The following PCDHGA1 variants were observed in gnomAD, a reference collection of about 807,000 sequenced individuals.
The protein encoded by PCDHGA1 is protocadherin gamma-A1.
Under a neutral mutation model 58.0 loss-of-function variants are expected in PCDHGA1, and 32 were observed. The observed-to-expected ratio is 0.55, with a 90% CI of 0.42 to 0.74. PCDHGA1 has a LOEUF of 0.74. PCDHGA1 is among the 30% of genes least tolerant of loss of function. The pLI is 0.00. For synonymous variants in PCDHGA1, 498 were observed against 501.1 expected, an observed-to-expected ratio of 0.99 and a Z score of 0.08; for missense variants, 1,205 against 1,182.3, an observed-to-expected ratio of 1.02 and a Z score of -0.28.
Position 141,511,072 on chromosome 5 carries a change from A to C in PCDHGA1, c.2695A>C (p.Ser899Arg). The C allele has an allele frequency of 6.2e-7, 1 of 1,614,252 alleles. No individual in the cohort carries two copies. Among genetic ancestry groups the C allele is most frequent in the Non-Finnish European group, 8.5e-7 (1 of 1,180,034 alleles). Residue 899 changes from serine to arginine, a missense_variant, in exon 4 of 4, where the codon AGC (serine) becomes CGC (arginine). Ser to Arg is a moderately radical substitution (Grantham distance 110). Coordinates refer to ENST00000517417, the MANE Select transcript of PCDHGA1 (RefSeq NM_018912.3). ...CCGCCAGAATGTCTACATCCCAGGC[A>C]GCAATGCCACACTGACCAACGCAGC... ...DYRQNVYIPG[S>R]NATLTNAAGK...
chr5:141,417,613 G>A (rs984573855), intron 1 of PCDHGA1: 2 of 624,312 alleles, frequency 3.2e-6, no homozygotes, highest in African/African-American at 3.7e-5. Flanking sequence ...GTCGGCCAGT[G>A]CAGAGCAAGC....
rs764729742 is a variant in PCDHGA1 at position 141,450,826 on chromosome 5, A to ATTT, written c.2422-43979_2422-43978insTTT. On this transcript the variant is annotated intron_variant, in intron 1 of 3. Coordinates refer to ENST00000517417, the MANE Select transcript of PCDHGA1 (RefSeq NM_018912.3). ...TATTTATTTATTTAATATTATTATT[A>ATTT]TTATTTTTTTTTTTTTGAGATGGGG... 5.5e-3 allele frequency among the ~76,000 whole-genome samples: 742 copies of ATTT among 134,318 alleles called. 10 individuals are homozygous for ATTT. The highest frequency in any genetic ancestry group is 0.013 in the Middle Eastern group (3 of 230). 88.1% of individuals were successfully genotyped at this position (134,318 alleles called of 152,430 possible).
At chr5:141,341,120 C>A (rs750116599) in intron 1 of PCDHGA1, 17 of 1,614,214 alleles carry the variant, frequency 1.1e-5, no homozygotes, top group Non-Finnish European at 1.4e-5. Flanking sequence ...GCACAGGCTG[C>A]GGCGCTGGCA....
intron 1 of PCDHGA1, among the ~76,000 whole-genome samples, chr5:141,442,680 A>C (rs2098335997): frequency 6.6e-6 from 1 of 152,270 alleles, no homozygotes; most frequent in Non-Finnish European, 1.5e-5. Flanking sequence ...CTTGAGGGAC[A>C]GTAGTCAGGC....
chr5:141,349,281 G>T (rs1219532810), intron 1 of PCDHGA1, among the ~76,000 whole-genome samples: 2 of 152,078 alleles, frequency 1.3e-5, no homozygotes, highest in Admixed American at 1.3e-4. Flanking sequence ...TGTTGGACAG[G>T]CTAGTCTCAA....
At chr5:141,365,228 G>C in intron 1 of PCDHGA1, 1 of 1,613,942 alleles carries the variant, frequency 6.2e-7, no homozygotes, top group Non-Finnish European at 8.5e-7. Flanking sequence ...CAACCTGGGG[G>C]AAATCTCAAC....
chr5:141,344,973 T>C (rs1348314903), intron 1 of PCDHGA1: 1 of 1,613,876 alleles, frequency 6.2e-7, no homozygotes, highest in Non-Finnish European at 8.5e-7. Flanking sequence ...GGATGCCATG[T>C]TCTATGAAAT....
In PCDHGA1 at chr5:141,351,104, C is replaced by T. The variant is rs758554557; in HGVS notation, c.2421+17999C>T. ...GATCACCTATGCCTTCCTCAATTCC[C>T]CAATAAGTACCAGCCTCTTCAATCT... On this transcript the variant is annotated intron_variant, in intron 1 of 3. Coordinates refer to ENST00000517417, the MANE Select transcript of PCDHGA1 (RefSeq NM_018912.3). 4.3e-6 allele frequency: 7 copies of T among 1,614,064 alleles called. No homozygotes were observed. The South Asian group carries it at 7.7e-5, about 18-fold the overall frequency.
intron 1 of PCDHGA1, chr5:141,410,438 G>A (rs957017717): frequency 2.5e-6 from 4 of 1,613,894 alleles, no homozygotes; most frequent in African/African-American, 2.7e-5. Flanking sequence ...CTACAGTGAG[G>A]GGACTTTGCC....
At chr5:141,362,214 T>TGTGGCC (rs1294960124) in intron 1 of PCDHGA1, 1 of 1,613,866 alleles carries the variant, frequency 6.2e-7, no homozygotes, top group Non-Finnish European at 8.5e-7. Flanking sequence ...TTTACCTGGT[T>TGTGGCC]GTGGCCTTGG....
At chr5:141,424,715 G>A (rs1299933373) in intron 1 of PCDHGA1, 1 of 152,132 alleles carries the variant, frequency 6.6e-6, no homozygotes, top group Admixed American at 6.6e-5. Flanking sequence ...TTTCAGTGTA[G>A]TTGGGAGTCA....
At chr5:141,440,155 A>C (rs1250255277) in intron 1 of PCDHGA1, 1 of 152,238 alleles carries the variant, frequency 6.6e-6, no homozygotes, top group Non-Finnish European at 1.5e-5. Flanking sequence ...CCCCAATTAT[A>C]GCTTGGGCCA....
At chr5:141,379,378 A>G (rs1775559732) in intron 1 of PCDHGA1, 1 of 152,234 alleles carries the variant, frequency 6.6e-6, no homozygotes, top group African/African-American at 2.4e-5. Flanking sequence ...TTGATAAAAT[A>G]ACAATTTTAA....
chr5:141,372,398 G>A lies in PCDHGA1; in HGVS notation c.2421+39293G>A, dbSNP rs772578154. The stretch of plus-strand genomic sequence containing the variant: ...TGCACCTAATCTTCGCAGATAGCTT[G>A]CAAGAGATACAACCTGACCTTAGCG... On this transcript the variant is annotated intron_variant, in intron 1 of 3. Transcript: ENST00000517417. 22 of 1,614,058 alleles carry A rather than the reference G, an allele frequency of 1.4e-5. No individual in the cohort carries two copies. The East Asian group carries it at 4.9e-4, about 36-fold the overall frequency.
rs1293684074 is a variant in PCDHGA1 at position 141,512,899 on chromosome 5, C to T, written c.*1726C>T. On this transcript the variant is annotated 3_prime_UTR_variant, in exon 4 of 4. Transcript: ENST00000517417. ...CCCACCCCACCCTCTTCCTGTGTCT[C>T]ACGCAAGTTTTATACTCTAATATTT... 1 of 152,260 alleles carries T rather than the reference C, an allele frequency of 6.6e-6. No homozygotes were observed. Among genetic ancestry groups the T allele is most frequent in the Non-Finnish European group, 1.5e-5 (1 of 68,064 alleles). 9.4% of individuals were successfully genotyped at this position (152,260 alleles called of 1,614,324 possible). A position where few individuals can be genotyped will look rare whatever the true frequency, so the allele number is the denominator to read the frequency against.
chr5:141,443,827 G>A (rs1425599112), intron 1 of PCDHGA1, among the ~76,000 whole-genome samples: 1 of 152,054 alleles, frequency 6.6e-6, no homozygotes, highest in African/African-American at 2.4e-5. Context: ...ACATAATTAG[G>A]TAAAATGGGT....
intron 1 of PCDHGA1, chr5:141,366,203 G>A (rs1764404234): frequency 3.7e-6 from 6 of 1,613,862 alleles, no homozygotes; most frequent in East Asian, 4.5e-5. Flanking sequence ...GCACACGGGC[G>A]AGGTGCGCAC....
chr5:141,465,865 G>A (rs374058078), intron 1 of PCDHGA1, among the ~76,000 whole-genome samples: 7 of 151,900 alleles, frequency 4.6e-5, no homozygotes, highest in African/African-American at 1.7e-4. Flanking sequence ...GCTCATGCCT[G>A]TAATCCCAGC....
chr5:141,394,997 C>T lies in PCDHGA1; in HGVS notation c.2421+61892C>T, dbSNP rs771459458. On this transcript the variant is annotated intron_variant, in intron 1 of 3. Coordinates refer to ENST00000517417, the MANE Select transcript of PCDHGA1 (RefSeq NM_018912.3). ...ACAAGTCACGCCTGCTCCAGGATTC[C>T]GGTGGCAGATTGGTAGGCGTGCCTG... 3.4e-5 allele frequency: 55 copies of T among 1,613,898 alleles called. No individual in the cohort carries two copies. In the East Asian group the frequency reaches 1.1e-3, roughly 32 times the overall value.
Sources: gnomAD v4.1 joint callset for allele counts (sites outside exome capture counted in the v4.1 genomes callset) on GRCh38, gnomAD v4.1.1 for gene constraint, MANE v1.5 for transcripts, NCBI Gene and HGNC (gene_info 2026-07-23, HGNC 2026-07-21) for gene names.